GLI1: variants seen among roughly 807,000 people sequenced by gnomAD.
GLI1 encodes the protein GLI family zinc finger 1, also known as transcription activator GLI1.
GLI1 carries 51 observed loss-of-function variants against 87.8 expected under a neutral mutation model. That is an observed-to-expected ratio of 0.58 (90% CI 0.46 to 0.73). GLI1 has a LOEUF of 0.73. Ranked by LOEUF, GLI1 falls within the 30% of genes least tolerant of loss-of-function variation. The pLI is 0.00. For synonymous variants in GLI1, 528 were observed against 558.2 expected (o/e 0.95, Z 0.76); for missense variants, 1,292 against 1,437.2 (o/e 0.90, Z 1.63).
chr12:57,464,154 G>T, intron 3 of GLI1, 63 bp downstream of exon 3: 1 of 1,087,584 alleles, frequency 9.2e-7, no homozygotes, highest in Non-Finnish European at 1.4e-6. Context: ...GAAAGAGAAA[G>T]TGGGAGGGCA....
rs1419694903 is a variant in GLI1, at chr12:57,464,781, C to T, written c.302C>T (p.Thr101Ile). 1.2e-6 allele frequency: 2 copies of T among 1,614,006 alleles called. No homozygotes were observed. Among genetic ancestry groups the T allele is most frequent in the African/African-American group, 1.3e-5 (1 of 75,040 alleles). The change falls in exon 4 of 12, where the codon ACC (threonine) becomes ATC (isoleucine). Residue 101 changes from threonine (T) to isoleucine (I), a missense_variant. Transcript: ENST00000228682. ...CTGGACCTGCAGACGGTTATCCGCA[C>T]CTCACCCAGCTCCCTCGTAGCTTTC... ...ASLDLQTVIR[T>I]SPSSLVAFIN... is the part of the protein sequence containing the mutation.
Position 57,466,312 on chromosome 12 carries a change from C to T in GLI1, c.835C>T (p.Leu279=), listed in dbSNP as rs2139856341. ...VCHWGGCSRE[L]RPFKAQYMLV... is the part of the protein sequence containing the mutation. ...CCACTGGGGGGGCTGCTCCAGGGAGCTGAGGCCCTTCAAAGCCCAGTACAT... is the reference window on the plus strand; with the variant it reads ...CCACTGGGGGGGCTGCTCCAGGGAGTTGAGGCCCTTCAAAGCCCAGTACAT... The change falls in exon 8 of 12, where the codon CTG becomes TTG. Residue 279 remains leucine (L), a synonymous_variant. Transcript: ENST00000228682. 6.2e-7 allele frequency: 1 copy of T among 1,614,050 alleles called. No homozygotes were observed. Among genetic ancestry groups the T allele is most frequent in the Non-Finnish European group, 8.5e-7 (1 of 1,179,910 alleles).
Position 57,466,336 on chromosome 12 carries a change from A to C in GLI1, c.859A>C (p.Met287Leu). Residue 287 changes from methionine (M) to leucine (L), a missense_variant, in exon 8 of 12, where the codon ATG (methionine) becomes CTG (leucine). Coordinates refer to ENST00000228682, the MANE Select transcript of GLI1 (RefSeq NM_005269.3). ...GCTGAGGCCCTTCAAAGCCCAGTAC[A>C]TGCTGGTGGTTCACATGCGCAGACA... ...RELRPFKAQY[M>L]LVVHMRRHTG... 6.2e-7 allele frequency: 1 copy of C among 1,614,088 alleles called. No individual in the cohort carries two copies. Among genetic ancestry groups the C allele is most frequent in the South Asian group, 1.1e-5 (1 of 91,090 alleles).
Position 57,466,350 on chromosome 12 carries a change from C to T in GLI1, c.873C>T (p.His291=), listed in dbSNP as rs372783357. ...AAGCCCAGTACATGCTGGTGGTTCA[C>T]ATGCGCAGACACACTGGCGAGAAGC... ...PFKAQYMLVV[H]MRRHTGEKPH... The change falls in exon 8 of 12, where the codon CAC becomes CAT. Residue 291 remains histidine, a synonymous_variant. Transcript: ENST00000228682. 4.3e-6 allele frequency: 7 copies of T among 1,613,882 alleles called. No individual in the cohort carries two copies. The highest frequency in any genetic ancestry group is 5.9e-6 in the Non-Finnish European group (7 of 1,179,920).
chr12:57,461,818 A>AGC (rs1871158682), intron 1 of GLI1, among the ~76,000 whole-genome samples: 1 of 151,704 alleles, frequency 6.6e-6, no homozygotes, highest in Non-Finnish European at 1.5e-5. Context: ...GGAGTTGGGG[A>AGC]GCGGGGGTGC....
rs1459385371 is a variant in GLI1 at position 57,472,174 on chromosome 12, A to G, written c.*113A>G. The G allele has an allele frequency of 2.9e-6, 2 of 698,588 alleles. No individual in the cohort carries two copies. The highest frequency in any genetic ancestry group is 3.7e-5 in the African/African-American group (2 of 54,680). The allele number at this position is 698,588 out of a possible 1,614,324, so 43.3% of individuals were successfully genotyped here. ...ACAAGATGCCCCAGGGATGGGAGGT[A>G]TGGGCTGGGGGCTATGTATAGTCTG... is the stretch of plus-strand genomic sequence containing the variant. On this transcript the variant is annotated 3_prime_UTR_variant, in exon 12 of 12. Coordinates refer to ENST00000228682, the MANE Select transcript of GLI1 (RefSeq NM_005269.3).
intron 1 of GLI1, 119 bp from the exon 2 acceptor site, chr12:57,463,546 G>A: frequency 1.5e-6 from 1 of 670,094 alleles, no homozygotes; most frequent in Non-Finnish European, 2.7e-6. Context: ...GAATTCCGTG[G>A]CAGATGTCTT....
At chr12:57,463,565 G>C in intron 1 of GLI1, 100 bp from the exon 2 acceptor site, 2 of 704,446 alleles carry the variant, frequency 2.8e-6, no homozygotes, top group Middle Eastern at 2.3e-4. Flanking sequence ...TTAGAGGGGT[G>C]GGGGATACCA....
intron 7 of GLI1, 113 bp from the exon 8 acceptor site, chr12:57,466,127 T>A: frequency 8.3e-7 from 1 of 1,202,888 alleles, no homozygotes; most frequent in Non-Finnish European, 1.2e-6. Context: ...TGCTCCTGCC[T>A]CTTCCTCCTT....
At position 57,471,264 on chromosome 12, in the gene GLI1, C is replaced by G. The variant is rs61734542; in HGVS notation, c.2524C>G (p.Pro842Ala). Residue 842 changes from proline (P) to alanine (A), a missense_variant, in exon 12 of 12, where the codon CCA becomes GCA. Physicochemically the swap from Pro to Ala is conservative, Grantham distance 27. Transcript: ENST00000228682. This position sits in a 1 kb window ranked among gnomAD's most constrained non-coding sequence, Gnocchi z 4.9. Reference protein sequence around the residue: ...CLNAHPSEGPPHPQPLFSHYP... With the variant: ...CLNAHPSEGPAHPQPLFSHYP... ...CAATGCCCACCCCAGTGAGGGGCCC[C>G]CACATCCACAGCCTCTCTTTTCCCA... is the stretch of plus-strand genomic sequence containing the variant. 3 of 1,600,338 alleles carry G rather than the reference C, an allele frequency of 1.9e-6. No individual in the cohort carries two copies. The highest frequency in any genetic ancestry group is 2.6e-6 in the Non-Finnish European group (3 of 1,172,974).
Position 57,464,659 on chromosome 12 carries a change from G to C in GLI1, c.194-14G>C. On this transcript the variant is annotated splice_polypyrimidine_tract_variant and intron_variant, in intron 3 of 11. Coordinates refer to ENST00000228682, the MANE Select transcript of GLI1 (RefSeq NM_005269.3). ...CCCCTTTACCATATCCGTCTCCGCT[G>C]TCTCCTGCCCCAGGCCCACTCTTTT... The C allele has an allele frequency of 1.2e-6, 2 of 1,609,004 alleles. No individual in the cohort carries two copies. The highest frequency in any genetic ancestry group is 1.7e-6 in the Non-Finnish European group (2 of 1,175,726).
chr12:57,463,830 G>A (rs773176525), intron 2 of GLI1, 39 bp downstream of exon 2: 3 of 1,315,160 alleles, frequency 2.3e-6, no homozygotes, highest in African/African-American at 2.9e-5. Flanking sequence ...TGAGGATTTG[G>A]CAGATCTCCC....
At chr12:57,467,185 C>T (rs562637470) in intron 8 of GLI1, 148 bp from the exon 9 acceptor site, 3 of 588,412 alleles carry the variant, frequency 5.1e-6, no homozygotes, top group South Asian at 3.0e-5. Flanking sequence ...CTGCCCTTGT[C>T]CCCTAGTTTT....
chr12:57,465,010 CA>C, intron 4 of GLI1, 100 bp from the exon 5 acceptor site: 1 of 1,325,318 alleles, frequency 7.5e-7, no homozygotes, highest in South Asian at 1.2e-5. Flanking sequence ...GGGACTGCCT[CA>C]ACCACTACAA....
Position 57,471,679 on chromosome 12 carries a change from G to A in GLI1, c.2939G>A (p.Arg980Lys). Reference protein sequence around the residue: ...CHENFVVGANRASHRAAAPPR... With the variant: ...CHENFVVGANKASHRAAAPPR... Reference sequence around the variant, plus strand: ...GAAAATTTTGTAGTGGGGGCAAATAGGGCTTCACATAGGGCAGCAGCACCA... The same window carrying A: ...GAAAATTTTGTAGTGGGGGCAAATAAGGCTTCACATAGGGCAGCAGCACCA... The change falls in exon 12 of 12, where the codon AGG becomes AAG. Residue 980 changes from arginine to lysine, a missense_variant. Physicochemically the swap from Arg to Lys is conservative, Grantham distance 26 (BLOSUM62 2). This residue lies in a region of GLI1 where 897 missense variants were observed against 1,040.7 expected (regional missense o/e 0.86). Transcript: ENST00000228682. The surrounding 1 kb of genome is among the most constrained non-coding windows in gnomAD (Gnocchi z 4.9). The A allele has an allele frequency of 6.2e-7, 1 of 1,608,758 alleles. No homozygotes were observed. Among genetic ancestry groups the A allele is most frequent in the Non-Finnish European group, 8.5e-7 (1 of 1,177,326 alleles).
chr12:57,462,401 G>A (rs1046129825), intron 1 of GLI1, among the ~76,000 whole-genome samples: 2 of 151,916 alleles, frequency 1.3e-5, no homozygotes, highest in African/African-American at 4.8e-5. Flanking sequence ...CAGCATCCCG[G>A]GATCACCCAC....
At position 57,472,145 on chromosome 12, in the gene GLI1, A is replaced by C. The variant is rs474058; in HGVS notation, c.*84A>C. ...GAAAAATTGGGGGAGCTGCAGTCCCATGCACAAGATGCCCCAGGGATGGGA... is the reference window on the plus strand; with the variant it reads ...GAAAAATTGGGGGAGCTGCAGTCCCCTGCACAAGATGCCCCAGGGATGGGA... On this transcript the variant is annotated 3_prime_UTR_variant, in exon 12 of 12. Transcript: ENST00000228682. The C allele has an allele frequency of 1, 909,931 of 911,806 alleles. 454,051 individuals are homozygous for C. Among genetic ancestry groups the C allele is most frequent in the Middle Eastern group, 1 (3,246 of 3,246 alleles). 56.5% of individuals were successfully genotyped at this position (911,806 alleles called of 1,614,324 possible). A position where few individuals can be genotyped will look rare whatever the true frequency, so the allele number is the denominator to read the frequency against.
At chr12:57,469,727 G>A (rs1184978742) in intron 11 of GLI1, 29 bp downstream of exon 11, 4 of 1,607,576 alleles carry the variant, frequency 2.5e-6, no homozygotes, top group Non-Finnish European at 8.5e-7. Flanking sequence ...AGGTGTGGCT[G>A]GGGTGAGATC....
At chr12:57,461,331 C>G (rs1871126652) in intron 1 of GLI1, among the ~76,000 whole-genome samples, 1 of 151,810 alleles carries the variant, frequency 6.6e-6, no homozygotes. Context: ...AGACCTCTCC[C>G]CCTCCACCAT....
Sources: gnomAD v4.1 joint callset for allele counts (sites outside exome capture counted in the v4.1 genomes callset) on GRCh38, gnomAD v4.1.1 for gene constraint, gnomAD v4.1.1 regional missense constraint, Gnocchi (gnomAD v3.1) non-coding constraint, MANE v1.5 for transcripts, NCBI Gene and HGNC (gene_info 2026-07-23, HGNC 2026-07-21) for gene names.